RAD51B: variants seen among roughly 807,000 people sequenced by gnomAD.
RAD51B encodes DNA repair protein RAD51 homolog 2.
RAD51B carries 38 observed loss-of-function variants against 42.2 expected under a neutral mutation model. The ratio of observed to expected loss-of-function variants is 0.90; its 90% CI spans 0.70 to 1.18. RAD51B has a LOEUF of 1.18. Among genes scored for constraint, RAD51B ranks in the 50% most tolerant of loss-of-function variants. The pLI, the probability that RAD51B is intolerant of heterozygous loss-of-function variation, is 0.00. For synonymous variants in RAD51B, 154 were observed against 145.2 expected (o/e 1.06, Z -0.43); for missense variants, 373 against 400.7 (o/e 0.93, Z 0.59).
intron 10 of RAD51B, chr14:68,540,514 T>C: frequency 4.1e-6 from 4 of 985,256 alleles, no homozygotes; most frequent in Non-Finnish European, 4.8e-6. Context: ...CTCATTTCTC[T>C]AGGTAACATG....
At chr14:68,441,580 T>A (rs1373801446) in intron 9 of RAD51B, among the ~76,000 whole-genome samples, 1 of 151,490 alleles carries the variant, frequency 6.6e-6, no homozygotes, top group Admixed American at 6.6e-5. Flanking sequence ...ATTTATGGAT[T>A]CTAGTATATA....
intron 7 of RAD51B, among the ~76,000 whole-genome samples, chr14:68,024,191 A>G (rs1325161612): frequency 6.6e-6 from 1 of 152,070 alleles, no homozygotes; most frequent in African/African-American, 2.4e-5. Context: ...ATTCTGCTGT[A>G]TTGATCTATG....
At chr14:67,930,211 G>A (rs187948827) in intron 7 of RAD51B, among the ~76,000 whole-genome samples, 4 of 151,952 alleles carry the variant, frequency 2.6e-5, no homozygotes. Flanking sequence ...TTGAGGTTTT[G>A]TTCCTTCATA....
Position 68,665,889 on chromosome 14 carries a change from C to A in RAD51B, c.*11+15033C>A, listed in dbSNP as rs543701127. Among the ~76,000 whole-genome samples the A allele has an allele frequency of 3.3e-5, 5 of 152,294 alleles. 1 individual carries two copies. In the South Asian group the frequency reaches 1.0e-3, roughly 32 times the overall value. On this transcript the variant is annotated intron_variant, in intron 11 of 11. Transcript: ENST00000488612. ...ACTTTACCCCCAACTCAGGGTGAAG[C>A]ACAGGACCCAGGCCTAAGCCAATCA...
At chr14:68,046,585 A>T (rs973625471) in intron 7 of RAD51B, among the ~76,000 whole-genome samples, 5 of 152,178 alleles carry the variant, frequency 3.3e-5, no homozygotes, top group African/African-American at 4.8e-5. Context: ...CAAAAAATTT[A>T]AAATAGTTGG....
chr14:68,076,504 A>G (rs1296941022), intron 7 of RAD51B, among the ~76,000 whole-genome samples: 2 of 152,234 alleles, frequency 1.3e-5, no homozygotes, highest in African/African-American at 2.4e-5. Context: ...AAATTTCTGT[A>G]GAAGATAGAA....
intron 7 of RAD51B, among the ~76,000 whole-genome samples, chr14:68,163,134 G>A (rs1329726147): frequency 6.6e-6 from 1 of 152,192 alleles, no homozygotes; most frequent in Non-Finnish European, 1.5e-5. Flanking sequence ...TAATATTCTA[G>A]TAGAAGAGCT....
intron 4 of RAD51B, among the ~76,000 whole-genome samples, chr14:67,837,599 A>G (rs935811544): frequency 5.9e-5 from 9 of 151,366 alleles, no homozygotes; most frequent in Non-Finnish European, 1.2e-4. Context: ...TTGTTTTTCA[A>G]CTGAGTACAG....
intron 5 of RAD51B, among the ~76,000 whole-genome samples, chr14:67,884,067 C>T (rs2042994744): frequency 6.6e-6 from 1 of 151,920 alleles, no homozygotes; most frequent in South Asian, 2.1e-4. Flanking sequence ...TGAGGCATGT[C>T]GAATATTGCA....
chr14:68,634,698 G>A lies in RAD51B; in HGVS notation c.1037-16083G>A, dbSNP rs558331929. The stretch of plus-strand genomic sequence containing the variant: ...GCCAGTAATGGGGTGGGGGTGAGAC[G>A]GAGGTGGAGCCTCTGGAAATGGTGC... On this transcript the variant is annotated intron_variant, in intron 10 of 11. Transcript: ENST00000488612. Among the ~76,000 whole-genome samples, 10 of 152,302 alleles carry A rather than the reference G, an allele frequency of 6.6e-5. 1 individual carries two copies. Among genetic ancestry groups the A allele is most frequent in the South Asian group, 2.1e-4 (1 of 4,830 alleles).
chr14:68,269,543 A>G (rs1260162006), intron 7 of RAD51B, among the ~76,000 whole-genome samples: 1 of 152,028 alleles, frequency 6.6e-6, no homozygotes, highest in Non-Finnish European at 1.5e-5. Flanking sequence ...TGTCTCAGAC[A>G]GGACTCCCCT....
chr14:68,428,065 G>A (rs1442947223), intron 9 of RAD51B, among the ~76,000 whole-genome samples: 1 of 152,138 alleles, frequency 6.6e-6, no homozygotes, highest in African/African-American at 2.4e-5. Context: ...CTTCCACCAT[G>A]GGATGATGCA....
intron 8 of RAD51B, among the ~76,000 whole-genome samples, chr14:68,308,636 C>A (rs994359233): frequency 1.3e-5 from 2 of 149,566 alleles, no homozygotes; most frequent in South Asian, 2.1e-4. Flanking sequence ...TTCTTGAGGT[C>A]CCTTCCCAGT....
At chr14:68,077,355 G>C (rs2076850349) in intron 7 of RAD51B, among the ~76,000 whole-genome samples, 1 of 152,102 alleles carries the variant, frequency 6.6e-6, no homozygotes, top group Non-Finnish European at 1.5e-5. Flanking sequence ...CCCTGCCCCA[G>C]GGTATTTACA....
chr14:68,080,844 T>A (rs1217675212), intron 7 of RAD51B, among the ~76,000 whole-genome samples: 2 of 152,152 alleles, frequency 1.3e-5, no homozygotes, highest in African/African-American at 2.4e-5. Flanking sequence ...CAGCTCCAAA[T>A]AAACTATTAA....
At chr14:68,112,753 A>G (rs1459109527) in intron 7 of RAD51B, among the ~76,000 whole-genome samples, 1 of 152,116 alleles carries the variant, frequency 6.6e-6, no homozygotes, top group Admixed American at 6.6e-5. Context: ...CTTTGGTCAT[A>G]CAAAGCAATA....
chr14:68,501,621 G>A (rs1884923665), intron 10 of RAD51B, among the ~76,000 whole-genome samples: 1 of 152,222 alleles, frequency 6.6e-6, no homozygotes, highest in Non-Finnish European at 1.5e-5. Context: ...AGCAGCTGAG[G>A]TAGCTGATGT....
chr14:68,052,687 C>G (rs1330498193), intron 7 of RAD51B, among the ~76,000 whole-genome samples: 1 of 151,684 alleles, frequency 6.6e-6, no homozygotes, highest in African/African-American at 2.4e-5. Flanking sequence ...ATGGTGCCAT[C>G]ATAGCTCACT....
intron 10 of RAD51B, among the ~76,000 whole-genome samples, chr14:68,500,245 G>C (rs1031397156): frequency 6.6e-6 from 1 of 152,202 alleles, no homozygotes; most frequent in Non-Finnish European, 1.5e-5. Context: ...TTTAACATGT[G>C]CTAAGTATGT....
Sources: gnomAD v4.1 joint callset for allele counts (sites outside exome capture counted in the v4.1 genomes callset) on GRCh38, gnomAD v4.1.1 for gene constraint, MANE v1.5 for transcripts, NCBI Gene and HGNC (gene_info 2026-07-23, HGNC 2026-07-21) for gene names.